The following ANAPC1 variants were observed in gnomAD, a reference collection of about 807,000 sequenced individuals.
ANAPC1 encodes the protein anaphase-promoting complex subunit 1.
Under a neutral mutation model 208.0 loss-of-function variants are expected in ANAPC1, and 36 were observed. The observed-to-expected ratio is 0.17, with a 90% CI of 0.13 to 0.23. ANAPC1 has a LOEUF of 0.23. ANAPC1 is among the 10% of genes least tolerant of loss of function. The probability of loss-of-function intolerance (pLI) is 1.00; values close to 1 mark genes in which losing one functional copy is unlikely to be tolerated. For synonymous variants in ANAPC1, 378 were observed against 695.2 expected (o/e 0.54, Z 7.18); for missense variants, 942 against 2,011.6 (o/e 0.47, Z 10.17).
At chr2:111,864,464 T>C (rs1343619634) in intron 8 of ANAPC1, among the ~76,000 whole-genome samples, 3 of 46,458 alleles carry the variant, frequency 6.5e-5, no homozygotes, top group Non-Finnish European at 1.7e-4. Flanking sequence ...ATATATATAC[T>C]TTTTTTTTTT....
intron 34 of ANAPC1, among the ~76,000 whole-genome samples, chr2:111,798,983 G>A (rs1256202483): frequency 9.4e-5 from 14 of 149,300 alleles, no homozygotes; most frequent in African/African-American, 2.7e-4. Flanking sequence ...GCAGTGAGCC[G>A]AGATCACACC....
chr2:111,796,482 A>AC (rs1234398498), intron 34 of ANAPC1, among the ~76,000 whole-genome samples: 1 of 141,152 alleles, frequency 7.1e-6, no homozygotes, highest in East Asian at 2.1e-4. Context: ...GGTGCACACC[A>AC]CCATGCTTGG....
At chr2:111,783,500 G>A (rs1343407500) in intron 42 of ANAPC1, among the ~76,000 whole-genome samples, 3 of 151,432 alleles carry the variant, frequency 2.0e-5, no homozygotes, top group Non-Finnish European at 4.4e-5. Flanking sequence ...CCCCAGCCAG[G>A]CAGAACTGTG....
intron 14 of ANAPC1, among the ~76,000 whole-genome samples, chr2:111,848,259 A>G (rs1233994638): frequency 2.2e-4 from 33 of 152,202 alleles, no homozygotes. Context: ...GCTATGGAAA[A>G]GCTGTGGAAG....
At chr2:111,867,371 C>T (rs1682486208) in intron 7 of ANAPC1, among the ~76,000 whole-genome samples, 1 of 151,760 alleles carries the variant, frequency 6.6e-6, no homozygotes, top group Non-Finnish European at 1.5e-5. Context: ...AGCCCATGGC[C>T]TACAGTTTGC....
intron 18 of ANAPC1, among the ~76,000 whole-genome samples, chr2:111,837,599 A>G (rs1263902917): frequency 7.2e-6 from 1 of 139,734 alleles, no homozygotes; most frequent in African/African-American, 2.5e-5. Context: ...CGATAAGGCG[A>G]GACTCCGTCT....
intron 6 of ANAPC1, among the ~76,000 whole-genome samples, chr2:111,868,607 T>G (rs1682563957): frequency 6.6e-6 from 1 of 152,212 alleles, no homozygotes; most frequent in Non-Finnish European, 1.5e-5. Flanking sequence ...CTCGGCTCAC[T>G]ACAACCTCCA....
intron 3 of ANAPC1, 97 bp from the exon 4 acceptor site, chr2:111,873,761 T>A: frequency 3.7e-6 from 5 of 1,357,208 alleles, no homozygotes; most frequent in Non-Finnish European, 3.9e-6. Flanking sequence ...ATCTACGTAA[T>A]AACTTTGCCT....
intron 13 of ANAPC1, among the ~76,000 whole-genome samples, chr2:111,855,085 A>T (rs1357675108): frequency 1.3e-5 from 2 of 152,182 alleles, no homozygotes; most frequent in African/African-American, 4.8e-5. Context: ...AGGCCATTAG[A>T]GGGTTACTAA....
chr2:111,799,150 G>A (rs1419571935), intron 34 of ANAPC1, among the ~76,000 whole-genome samples: 8 of 151,784 alleles, frequency 5.3e-5, no homozygotes, highest in Admixed American at 1.3e-4. Context: ...GACATGCACA[G>A]ACACTTCACA....
chr2:111,881,811 A>C (rs2104619887), intron 1 of ANAPC1, among the ~76,000 whole-genome samples: 1 of 152,304 alleles, frequency 6.6e-6, no homozygotes, highest in South Asian at 2.1e-4. Flanking sequence ...CATTAGCATG[A>C]GAATGTGGTT....
intron 1 of ANAPC1, among the ~76,000 whole-genome samples, chr2:111,881,922 C>T (rs544717542): frequency 2.6e-5 from 4 of 152,312 alleles, no homozygotes; most frequent in South Asian, 2.1e-4. Flanking sequence ...CGGTGGCTCA[C>T]GCCTATAATC....
At chr2:111,779,172 G>C (rs1677148085) in intron 44 of ANAPC1, 2 of 175,830 alleles carry the variant, frequency 1.1e-5, no homozygotes, top group Non-Finnish European at 2.4e-5. Flanking sequence ...CTGGGGTTAA[G>C]GGTGGGCATG....
chr2:111,816,898 G>GCACCACAATGAGC (rs1679265952), intron 27 of ANAPC1, among the ~76,000 whole-genome samples: 1 of 95,562 alleles, frequency 1.0e-5, no homozygotes, highest in African/African-American at 4.1e-5. Flanking sequence ...ACCACAATGA[G>GCACCACAATGAGC]TAATAAGTTC....
At position 111,843,464 on chromosome 2, in the gene ANAPC1, C is replaced by T; in HGVS notation, c.1988G>A (p.Cys663Tyr). 1.9e-6 allele frequency: 3 copies of T among 1,611,954 alleles called. No homozygotes were observed. Among genetic ancestry groups the T allele is most frequent in the Non-Finnish European group, 2.5e-6 (3 of 1,179,850 alleles). ...GTTATAACCCATCATGTTCATGAGA[C>T]AAGTCACAAATAAATTCCACTCTGA... Reference protein sequence around the residue: ...YHSEWNLFVTCLMNMMGYNTD... With the variant: ...YHSEWNLFVTYLMNMMGYNTD... Residue 663 changes from cysteine (C) to tyrosine (Y), a missense_variant, in exon 17 of 48, where the codon TGT becomes TAT. By Grantham distance (194) the Cys-to-Tyr change is radical. Transcript: ENST00000341068.
chr2:111,788,358 T>C (rs1242678984), intron 38 of ANAPC1, 38 bp from the exon 39 acceptor site: 4 of 1,610,776 alleles, frequency 2.5e-6, no homozygotes, highest in South Asian at 2.2e-5. Context: ...TGTTATTGAT[T>C]ATATTGCACA....
rs556925753 is a variant in ANAPC1 at position 111,792,821 on chromosome 2, C to T, written c.4519-266G>A. Reference sequence around the variant, plus strand: ...ACAAAAAGTTAGCCGGGCGTGGTGGCGGGCGCCTGTGGTCCCAGCTGCTCG... The same window carrying T: ...ACAAAAAGTTAGCCGGGCGTGGTGGTGGGCGCCTGTGGTCCCAGCTGCTCG... On this transcript the variant is annotated intron_variant, in intron 37 of 47. Coordinates refer to ENST00000341068, the MANE Select transcript of ANAPC1 (RefSeq NM_022662.4). Among the ~76,000 whole-genome samples the T allele has an allele frequency of 4.7e-4, 72 of 152,066 alleles. 1 individual carries two copies. Among genetic ancestry groups the T allele is most frequent in the Admixed American group, 3.5e-3 (54 of 15,294 alleles).
chr2:111,833,886 T>C (rs1185895413), intron 19 of ANAPC1, among the ~76,000 whole-genome samples: 2 of 152,084 alleles, frequency 1.3e-5, no homozygotes, highest in Non-Finnish European at 1.5e-5. Flanking sequence ...AATTAGAAAA[T>C]GTACTATGTC....
rs754615450 is a variant in ANAPC1, at chr2:111,862,391, T to C, written c.1260A>G (p.Ile420Met). ...DHLWTETITN[I>M]REKNSQASKV... ...ATATAATAATATATATAACAAACCT[T>C]ATATTAGTAATCGTTTCTGTCCACA... Residue 420 changes from isoleucine to methionine, a missense_variant and splice_region_variant, in exon 10 of 48, where the codon ATA becomes ATG. Coordinates refer to ENST00000341068, the MANE Select transcript of ANAPC1 (RefSeq NM_022662.4). 6.5e-7 allele frequency: 1 copy of C among 1,530,698 alleles called. No individual in the cohort carries two copies. The highest frequency in any genetic ancestry group is 1.3e-5 in the South Asian group (1 of 79,734). 94.8% of individuals were successfully genotyped at this position (1,530,698 alleles called of 1,614,324 possible). A position where few individuals can be genotyped will look rare whatever the true frequency, so the allele number is the denominator to read the frequency against.
Sources: gnomAD v4.1 joint callset for allele counts (sites outside exome capture counted in the v4.1 genomes callset) on GRCh38, gnomAD v4.1.1 for gene constraint, MANE v1.5 for transcripts, NCBI Gene and HGNC (gene_info 2026-07-23, HGNC 2026-07-21) for gene names.